Variants in PDE4D observed in about 807,000 individuals in gnomAD.
PDE4D encodes 3',5'-cyclic-AMP phosphodiesterase 4D.
PDE4D carries 24 observed loss-of-function variants against 87.4 expected under a neutral mutation model. That is an observed-to-expected ratio of 0.27 (90% CI 0.20 to 0.39). PDE4D has a LOEUF of 0.39. Among genes scored for constraint, PDE4D ranks in the 10% least tolerant of loss-of-function variants. The probability of loss-of-function intolerance (pLI) is 1.00; values close to 1 mark genes in which losing one functional copy is unlikely to be tolerated. For missense variants in PDE4D, 714 were observed against 1,041.0 expected (o/e 0.69, Z 4.32); for synonymous variants, 384 against 383.2 (o/e 1.00, Z -0.02).
At chr5:59,095,055 A>G (rs958049867) in intron 5 of PDE4D, among the ~76,000 whole-genome samples, 1 of 152,126 alleles carries the variant, frequency 6.6e-6, no homozygotes, top group Non-Finnish European at 1.5e-5. Context: ...AGATGGCTCA[A>G]TGGGCAAGAT....
intron 6 of PDE4D, chr5:59,002,211 C>T (rs1472205617): frequency 2.0e-5 from 7 of 356,894 alleles, no homozygotes; most frequent in Non-Finnish European, 3.8e-5. Flanking sequence ...CACTCTGGTA[C>T]TGAGAACAAG....
chr5:59,947,472 G>A (rs956634701), intron 3 of PDE4D, among the ~76,000 whole-genome samples: 5 of 152,110 alleles, frequency 3.3e-5, no homozygotes, highest in South Asian at 2.1e-4. Flanking sequence ...TACATTTTGT[G>A]AGGACAAACC....
At position 59,185,201 on chromosome 5, in the gene PDE4D, C is replaced by T. The variant is rs771830270; in HGVS notation, c.746G>A (p.Arg249Gln). The T allele has an allele frequency of 5.0e-6, 8 of 1,612,232 alleles. No individual in the cohort carries two copies. The highest frequency in any genetic ancestry group is 5.9e-6 in the Non-Finnish European group (7 of 1,178,642). Reference protein sequence around the residue: ...NFAALTNLQDRAPSKRSPMCN... With the variant: ...NFAALTNLQDQAPSKRSPMCN... ...AAGGATATCTTACTTGCTAGGTGCTCGATCTTGCAAATTAGTTAATGCAGC... is the reference window on the plus strand; with the variant it reads ...AAGGATATCTTACTTGCTAGGTGCTTGATCTTGCAAATTAGTTAATGCAGC... Residue 249 changes from arginine (R) to glutamine (Q), a missense_variant, in exon 4 of 15, where the codon CGA becomes CAA. By Grantham distance (43) the Arg-to-Gln change is conservative (BLOSUM62 1). Coordinates refer to ENST00000340635, the MANE Select transcript of PDE4D (RefSeq NM_001104631.2).
chr5:60,294,713 A>G (rs947762624), intron 1 of PDE4D, among the ~76,000 whole-genome samples: 2 of 151,782 alleles, frequency 1.3e-5, no homozygotes, highest in Admixed American at 6.6e-5. Flanking sequence ...TCCTTCATTT[A>G]TTTGTCTATC....
intron 1 of PDE4D, among the ~76,000 whole-genome samples, chr5:59,700,777 A>T (rs298091): frequency 0.5 from 75,519 of 151,894 alleles, 19,088 homozygotes; most frequent in East Asian, 0.7. Context: ...TTGCATTCAG[A>T]TCACATGCCA....
At chr5:59,943,083 T>A (rs933056285) in intron 3 of PDE4D, among the ~76,000 whole-genome samples, 1 of 152,162 alleles carries the variant, frequency 6.6e-6, no homozygotes, top group African/African-American at 2.4e-5. Flanking sequence ...TTGTTTTGTT[T>A]GTTTTTAATG....
intron 1 of PDE4D, among the ~76,000 whole-genome samples, chr5:60,303,597 G>A (rs984442201): frequency 4.6e-5 from 7 of 152,136 alleles, no homozygotes; most frequent in African/African-American, 9.7e-5. Flanking sequence ...GTGAGCCACC[G>A]CGCCCGGCCT....
At chr5:60,205,539 G>A (rs925991524) in intron 1 of PDE4D, among the ~76,000 whole-genome samples, 1 of 152,134 alleles carries the variant, frequency 6.6e-6, no homozygotes, top group African/African-American at 2.4e-5. Flanking sequence ...AGCTTCTAAA[G>A]ATAGAGAATG....
chr5:60,267,928 G>A (rs1750389493), intron 1 of PDE4D, among the ~76,000 whole-genome samples: 1 of 152,152 alleles, frequency 6.6e-6, no homozygotes, highest in African/African-American at 2.4e-5. Flanking sequence ...TTCATTCCCA[G>A]TCAAAGGCTG....
chr5:59,905,511 T>C (rs1261192245), intron 3 of PDE4D, among the ~76,000 whole-genome samples: 2 of 152,150 alleles, frequency 1.3e-5, no homozygotes, highest in Non-Finnish European at 2.9e-5. Flanking sequence ...ATTAAGAGAA[T>C]GGGCATTACA....
intron 1 of PDE4D, among the ~76,000 whole-genome samples, chr5:60,463,681 C>G (rs1209877676): frequency 1.3e-5 from 2 of 152,334 alleles, no homozygotes; most frequent in African/African-American, 2.4e-5. Flanking sequence ...GTCATGCCCT[C>G]TTGCTGTTTT....
intron 1 of PDE4D, among the ~76,000 whole-genome samples, chr5:59,820,294 G>C (rs1769481947): frequency 6.6e-6 from 1 of 152,140 alleles, no homozygotes; most frequent in South Asian, 2.1e-4. Context: ...TATTCAAGTG[G>C]CTGCTAAGGG....
intron 1 of PDE4D, among the ~76,000 whole-genome samples, chr5:59,453,198 A>T (rs1380318740): frequency 2.6e-5 from 4 of 152,142 alleles, no homozygotes; most frequent in Non-Finnish European, 5.9e-5. Flanking sequence ...TAAGATGGCA[A>T]ACTCAATTAA....
At chr5:59,837,092 T>A (rs905450819) in intron 1 of PDE4D, among the ~76,000 whole-genome samples, 1 of 151,986 alleles carries the variant, frequency 6.6e-6, no homozygotes, top group African/African-American at 2.4e-5. Flanking sequence ...CAGTTCTCCA[T>A]CTCTCATTCA....
At chr5:59,288,928 G>T (rs1428246310) in intron 1 of PDE4D, among the ~76,000 whole-genome samples, 1 of 151,976 alleles carries the variant, frequency 6.6e-6, no homozygotes, top group Non-Finnish European at 1.5e-5. Flanking sequence ...GACCTATCCT[G>T]TAAGAAATGC....
intron 1 of PDE4D, among the ~76,000 whole-genome samples, chr5:59,391,356 T>C (rs564815971): frequency 3.2e-4 from 48 of 152,328 alleles, no homozygotes; most frequent in African/African-American, 1.1e-3. Context: ...CAGTAAAGTG[T>C]TGCTTTAAAA....
At chr5:60,048,052 T>C (rs1186351520) in intron 2 of PDE4D, among the ~76,000 whole-genome samples, 4 of 152,152 alleles carry the variant, frequency 2.6e-5, no homozygotes, top group African/African-American at 9.7e-5. Context: ...GGTGCTCCTG[T>C]ATTGGGTGCA....
At chr5:60,292,316 G>A (rs1252496069) in intron 1 of PDE4D, among the ~76,000 whole-genome samples, 2 of 152,180 alleles carry the variant, frequency 1.3e-5, no homozygotes, top group African/African-American at 4.8e-5. Context: ...GCTAAGTAAA[G>A]CCTGTCTTCA....
At chr5:59,858,749 AAT>A (rs1278713787) in intron 1 of PDE4D, among the ~76,000 whole-genome samples, 1 of 152,228 alleles carries the variant, frequency 6.6e-6, no homozygotes, top group Non-Finnish European at 1.5e-5. Flanking sequence ...AGTGATAGCT[AAT>A]ATATTTTCCT....
Sources: gnomAD v4.1 joint callset for allele counts (sites outside exome capture counted in the v4.1 genomes callset) on GRCh38, gnomAD v4.1.1 for gene constraint, MANE v1.5 for transcripts, NCBI Gene and HGNC (gene_info 2026-07-23, HGNC 2026-07-21) for gene names.